RPS29: variants seen among roughly 807,000 people sequenced by gnomAD.
The protein encoded by RPS29 is small ribosomal subunit protein uS14.
For synonymous variants in RPS29, 37 were observed against 26.9 expected (o/e 1.37, Z -1.16); for missense variants, 60 against 75.7 (o/e 0.79, Z 0.77).
chr14:49,589,367 G>T (rs1239260511), upstream of RPS29, among the ~76,000 whole-genome samples: 1 of 151,074 alleles, frequency 6.6e-6, no homozygotes, highest in Non-Finnish European at 1.5e-5. Flanking sequence ...TTTTTCTTTT[G>T]AAAAACTAAA....
intron 2 of RPS29, among the ~76,000 whole-genome samples, chr14:49,584,486 A>T (rs191805800): frequency 6.6e-5 from 10 of 152,332 alleles, no homozygotes; most frequent in Admixed American, 6.5e-4. Context: ...TACAACAGAC[A>T]GGGCGCCGTG....
exon 3 of RPS29, chr14:49,574,672 A>G (rs949010532): frequency 6.6e-6 from 1 of 152,130 alleles, no homozygotes; most frequent in African/African-American, 2.4e-5. Flanking sequence ...CCTATTTGTC[A>G]GTGATGTTAT....
exon 3 of RPS29, chr14:49,577,688 T>G: frequency 1.2e-6 from 1 of 808,830 alleles, no homozygotes; most frequent in Non-Finnish European, 2.2e-6. Context: ...ACCTCTGTGT[T>G]TCCACCAGTT....
downstream of RPS29, chr14:49,583,528 T>C: frequency 1.1e-6 from 1 of 877,094 alleles, no homozygotes; most frequent in Non-Finnish European, 1.7e-6. Flanking sequence ...AAAAGATTTC[T>C]ATAAACAATT....
At chr14:49,595,500 G>T (rs748115393) in intron 1 of RPS29, among the ~76,000 whole-genome samples, 3 of 152,130 alleles carry the variant, frequency 2.0e-5, no homozygotes, top group Admixed American at 6.6e-5. Flanking sequence ...TCAGCTACTC[G>T]GGAGGCTGGG....
rs1881409835 is a variant in RPS29, at chr14:49,583,605, A to C, written c.*62T>G. ...TTTTTCAAATGTTTATTTTATATAC[A>C]AAGAATTATCATGGTTTTTCATTGA... On this transcript the variant is annotated 3_prime_UTR_variant, in exon 3 of 3. Transcript: ENST00000245458. The C allele has an allele frequency of 1.3e-6, 2 of 1,562,196 alleles. No individual in the cohort carries two copies. Among genetic ancestry groups the C allele is most frequent in the Non-Finnish European group, 8.7e-7 (1 of 1,155,320 alleles).
chr14:49,598,103 G>C (rs1015299471), intron 1 of RPS29: 2 of 357,306 alleles, frequency 5.6e-6, no homozygotes, highest in Non-Finnish European at 5.0e-6. Flanking sequence ...CGGTATTTCT[G>C]AACGTCATTT....
At chr14:49,586,494 G>C (rs1555323991), upstream of RPS29, 2 of 708,716 alleles carry the variant, frequency 2.8e-6, no homozygotes, top group African/African-American at 1.8e-5. Context: ...TGAGTAAAAT[G>C]AAATCTTAGA....
chr14:49,571,712 A>T (rs1881061566), exon 3 of RPS29: 1 of 152,232 alleles, frequency 6.6e-6, no homozygotes, highest in East Asian at 1.9e-4. Flanking sequence ...TGGTTGGTGA[A>T]CATATCAATG....
At chr14:49,581,371 G>T (rs1406683152), downstream of RPS29, among the ~76,000 whole-genome samples, 4 of 152,136 alleles carry the variant, frequency 2.6e-5, no homozygotes, top group African/African-American at 9.7e-5. Context: ...GCTTAAAACA[G>T]ATTCTACTTG....
At chr14:49,572,069 G>C (rs540626942) in exon 3 of RPS29, 1 of 152,226 alleles carries the variant, frequency 6.6e-6, no homozygotes, top group Admixed American at 6.6e-5. Context: ...TCGTGCCTCA[G>C]CCTCCCAAGT....
intron 1 of RPS29, chr14:49,597,973 T>G (rs1881872986): frequency 6.3e-6 from 1 of 158,908 alleles, no homozygotes. Context: ...ATCACTTTTT[T>G]CCAGGAACTA....
At chr14:49,577,412 G>C (rs1221786946) in exon 3 of RPS29, 1 of 337,660 alleles carries the variant, frequency 3.0e-6, no homozygotes, top group East Asian at 7.2e-5. Context: ...TCTGCACTGT[G>C]CAGGCTGGCA....
intron 1 of RPS29, chr14:49,598,365 G>A: frequency 1.5e-6 from 1 of 657,128 alleles, no homozygotes; most frequent in Non-Finnish European, 2.8e-6. Flanking sequence ...CCACGTCTCA[G>A]GTGCAGTTAA....
intron 1 of RPS29, 76 bp from the exon 2 acceptor site, chr14:49,586,125 T>C (rs908008278): frequency 3.4e-5 from 48 of 1,430,428 alleles, no homozygotes; most frequent in Admixed American, 1.7e-5. Flanking sequence ...ACTACCCGCA[T>C]CCCGGGACTC....
intron 1 of RPS29, among the ~76,000 whole-genome samples, chr14:49,591,548 G>A (rs1262966937): frequency 6.6e-6 from 1 of 151,598 alleles, no homozygotes; most frequent in Admixed American, 6.6e-5. Flanking sequence ...CTGACCTCAG[G>A]TAATCCACCC....
downstream of RPS29, among the ~76,000 whole-genome samples, chr14:49,580,880 G>A (rs556827383): frequency 3.2e-4 from 44 of 136,854 alleles, no homozygotes; most frequent in South Asian, 9.1e-4. Context: ...GCAAGACTCC[G>A]TCTCAAAAGA....
chr14:49,592,363 G>GTTTTTTTTTTTTTTTTTTTTTT (rs550587874), intron 1 of RPS29: 1 of 103,706 alleles, frequency 9.6e-6, no homozygotes, highest in Non-Finnish European at 2.0e-5. Context: ...TAAAGTCTAT[G>GTTTTTTTTTTTTTTTTTTTTTT]TTTTTTTTTT....
chr14:49,596,047 A>C (rs1017015896), intron 1 of RPS29, among the ~76,000 whole-genome samples: 1 of 150,320 alleles, frequency 6.7e-6, no homozygotes, highest in South Asian at 2.1e-4. Context: ...GAGGGAGGGA[A>C]CCATTATCTG....
Sources: gnomAD v4.1 joint callset for allele counts (sites outside exome capture counted in the v4.1 genomes callset) on GRCh38, gnomAD v4.1.1 for gene constraint, MANE v1.5 for transcripts, NCBI Gene and HGNC (gene_info 2026-07-23, HGNC 2026-07-21) for gene names.